Variants in SEC61A2 observed in about 807,000 individuals in gnomAD.
SEC61A2 encodes SEC61 translocon subunit alpha 2, also known as protein transport protein Sec61 subunit alpha isoform 2.
Under a neutral mutation model 59.9 loss-of-function variants are expected in SEC61A2, and 28 were observed. That is an observed-to-expected ratio of 0.47 (90% CI 0.35 to 0.64). The LOEUF is 0.64. Ranked by LOEUF, SEC61A2 falls within the 30% of genes least tolerant of loss-of-function variation. SEC61A2 has a pLI of 0.01. For synonymous variants in SEC61A2, 202 were observed against 214.4 expected, an observed-to-expected ratio of 0.94 and a Z score of 0.50; for missense variants, 340 against 585.9, an observed-to-expected ratio of 0.58 and a Z score of 4.33.
chr10:12,169,248 C>G, downstream of SEC61A2: 1 of 1,539,758 alleles, frequency 6.5e-7, no homozygotes, highest in South Asian at 1.2e-5. This position sits in a 1 kb window ranked among gnomAD's most constrained non-coding sequence, Gnocchi z 4.8. Context: ...TTTTTTCTCC[C>G]TTTTCTAAGA....
In SEC61A2 at chr10:12,165,277, A is replaced by G; in HGVS notation, c.*823A>G. The G allele has an allele frequency of 1.0e-6, 1 of 985,452 alleles. No individual in the cohort carries two copies. The highest frequency in any genetic ancestry group is 1.2e-6 in the Non-Finnish European group (1 of 829,926). The allele number at this position is 985,452 out of a possible 1,614,324, so 61.0% of individuals were successfully genotyped here. The stretch of plus-strand genomic sequence containing the variant: ...TTCAGTGGGGGTGAACAATGAATAT[A>G]TTCATGCTAGGAATTTGTGTCTGTT... On this transcript the variant is annotated 3_prime_UTR_variant, in exon 12 of 12. Transcript: ENST00000298428.
In SEC61A2 at chr10:12,164,780, C is replaced by A; in HGVS notation, c.*326C>A. The A allele has an allele frequency of 9.4e-7, 1 of 1,067,858 alleles. No homozygotes were observed. The allele number at this position is 1,067,858 out of a possible 1,614,324, so 66.1% of individuals were successfully genotyped here. A position where few individuals can be genotyped will look rare whatever the true frequency, so the allele number is the denominator to read the frequency against. The stretch of plus-strand genomic sequence containing the variant: ...CGTTTTGCACACAACATTCAAAACA[C>A]TTCATATTGCCCCCACTTGTTGAAA... On this transcript the variant is annotated 3_prime_UTR_variant, in exon 12 of 12. Transcript: ENST00000298428. This position sits in a 1 kb window ranked among gnomAD's most constrained non-coding sequence, Gnocchi z 7.3.
intron 8 of SEC61A2, 148 bp from the exon 9 acceptor site, chr10:12,157,760 C>CA (rs1834435712): frequency 1.4e-6 from 1 of 695,848 alleles, no homozygotes. Flanking sequence ...CTCGGCCTCC[C>CA]AAAGTGTTGG....
Position 12,141,968 on chromosome 10 carries a change from TG to T in SEC61A2, c.142-1145del, listed in dbSNP as rs1372333392. 6.6e-5 allele frequency among the ~76,000 whole-genome samples: 10 copies of T among 152,308 alleles called. 1 individual carries two copies. The highest frequency in any genetic ancestry group is 2.2e-4 in the African/African-American group (9 of 41,568). ...TGATTTTACAGACAGAAGCATAGTT[TG>T]GGGCAGCAGTAAGACAGGGAAAGGC... On this transcript the variant is annotated intron_variant, in intron 3 of 11. Coordinates refer to ENST00000298428, the MANE Select transcript of SEC61A2 (RefSeq NM_018144.4).
Position 12,156,009 on chromosome 10 carries a change from TGCCTAGAGCC to T in SEC61A2, c.616+80_616+89del, listed in dbSNP as rs1271731521. On this transcript the variant is annotated intron_variant, in intron 7 of 11. Coordinates refer to ENST00000298428, the MANE Select transcript of SEC61A2 (RefSeq NM_018144.4). This position sits in a 1 kb window ranked among gnomAD's most constrained non-coding sequence, Gnocchi z 5.2. Reference sequence around the variant, plus strand: ...AACAAACCCATCGTGTCGCAGTACATGCCTAGAGCCGTTCTGGTTTGCTCTCCTAGGGGAT... The same window carrying T: ...AACAAACCCATCGTGTCGCAGTACATGTTCTGGTTTGCTCTCCTAGGGGAT... The T allele has an allele frequency of 1.5e-3, 2,231 of 1,497,494 alleles. 1 individual carries two copies. Among genetic ancestry groups the T allele is most frequent in the Non-Finnish European group, 1.7e-3 (1,839 of 1,079,506 alleles). The allele number at this position is 1,497,494 out of a possible 1,614,324, so 92.8% of individuals were successfully genotyped here. A position where few individuals can be genotyped will look rare whatever the true frequency, so the allele number is the denominator to read the frequency against.
At chr10:12,146,474 C>A (rs1358111572) in intron 4 of SEC61A2, among the ~76,000 whole-genome samples, 1 of 152,120 alleles carries the variant, frequency 6.6e-6, no homozygotes, top group Non-Finnish European at 1.5e-5. Flanking sequence ...GCAGACACAT[C>A]ATGTATCTGC....
rs1441754984 is a variant in SEC61A2 at position 12,143,568 on chromosome 10, C to G, written c.220+373C>G. Among the ~76,000 whole-genome samples, 7 of 152,116 alleles carry G rather than the reference C, an allele frequency of 4.6e-5. No homozygotes were observed. The East Asian group carries it at 1.4e-3, about 29-fold the overall frequency. The stretch of plus-strand genomic sequence containing the variant: ...TGGCCAACATGGTGAAACCCCGTCT[C>G]TACTAAAAATAGAAAAATTAGCCAG... On this transcript the variant is annotated intron_variant, in intron 4 of 11. Transcript: ENST00000298428. The surrounding 1 kb of genome is among the most constrained non-coding windows in gnomAD (Gnocchi z 4.8).
In SEC61A2 at chr10:12,145,051, A is replaced by T. The variant is rs1282468829; in HGVS notation, c.220+1856A>T. On this transcript the variant is annotated intron_variant, in intron 4 of 11. Coordinates refer to ENST00000298428, the MANE Select transcript of SEC61A2 (RefSeq NM_018144.4). The surrounding 1 kb of genome is among the most constrained non-coding windows in gnomAD (Gnocchi z 4.4). ...GCGACACAACCAGACCCTGTCTCAAAAAAAAAAGGAACATTGAGGAGGTGA... is the reference window on the plus strand; with the variant it reads ...GCGACACAACCAGACCCTGTCTCAATAAAAAAAGGAACATTGAGGAGGTGA... Among the ~76,000 whole-genome samples, 1 of 152,006 alleles carries T rather than the reference A, an allele frequency of 6.6e-6. No individual in the cohort carries two copies. Among genetic ancestry groups the T allele is most frequent in the Non-Finnish European group, 1.5e-5 (1 of 67,994 alleles).
intron 4 of SEC61A2, among the ~76,000 whole-genome samples, chr10:12,147,278 G>T (rs1258172605): frequency 6.6e-6 from 1 of 152,090 alleles, no homozygotes; most frequent in Admixed American, 6.5e-5. Context: ...CTTTTCCTTT[G>T]TGGCTTCTAG....
chr10:12,137,794 G>T lies in SEC61A2; in HGVS notation c.141+1624G>T, dbSNP rs549548767. Among the ~76,000 whole-genome samples, 226 of 152,126 alleles carry T rather than the reference G, an allele frequency of 1.5e-3. 1 individual carries two copies. Among genetic ancestry groups the T allele is most frequent in the African/African-American group, 5.3e-3 (218 of 41,496 alleles). On this transcript the variant is annotated intron_variant, in intron 3 of 11. Coordinates refer to ENST00000298428, the MANE Select transcript of SEC61A2 (RefSeq NM_018144.4). The stretch of plus-strand genomic sequence containing the variant: ...GGCCAAAGTGGGAGGATTACTTGAC[G>T]TCAGGAGTTGAGACCAGTCTGGTCA...
downstream of SEC61A2, chr10:12,166,848 A>G (rs751471584): frequency 7.9e-5 from 35 of 440,336 alleles, no homozygotes; most frequent in Non-Finnish European, 1.4e-4. Context: ...CATGGGAACC[A>G]GATCAATCTG....
intron 9 of SEC61A2, among the ~76,000 whole-genome samples, chr10:12,159,347 T>C (rs1408252188): frequency 6.6e-6 from 1 of 152,256 alleles, no homozygotes; most frequent in South Asian, 2.1e-4. Flanking sequence ...TGAATTTTCA[T>C]TGGTTTAAAT....
intron 3 of SEC61A2, among the ~76,000 whole-genome samples, chr10:12,136,793 C>A (rs916806453): frequency 3.9e-5 from 6 of 151,938 alleles, no homozygotes; most frequent in African/African-American, 1.5e-4. Flanking sequence ...CCAAGCTCAG[C>A]TAATTTTTGT....
At chr10:12,165,644 G>C (rs1006695505), downstream of SEC61A2, 3 of 152,290 alleles carry the variant, frequency 2.0e-5, no homozygotes, top group African/African-American at 7.2e-5. Context: ...CATAGATCTT[G>C]GTAAATCATT....
chr10:12,133,153 A>G, intron 1 of SEC61A2, 88 bp from the exon 2 acceptor site: 1 of 672,278 alleles, frequency 1.5e-6, no homozygotes, highest in Non-Finnish European at 2.6e-6. Context: ...TGCTGGTGAA[A>G]GAGAATCTTT....
rs1834496919 is a variant in SEC61A2, at chr10:12,160,267, T to C, written c.976-663T>C. On this transcript the variant is annotated intron_variant, in intron 9 of 11. Coordinates refer to ENST00000298428, the MANE Select transcript of SEC61A2 (RefSeq NM_018144.4). The surrounding 1 kb of genome is among the most constrained non-coding windows in gnomAD (Gnocchi z 4.1). ...GGGATTAATGATTCTAGGGGCACAG[T>C]AAAGAAATCATTGGGCAGTCATAAA... Among the ~76,000 whole-genome samples the C allele has an allele frequency of 6.6e-6, 1 of 152,182 alleles. No individual in the cohort carries two copies. The highest frequency in any genetic ancestry group is 6.5e-5 in the Admixed American group (1 of 15,270).
chr10:12,164,983 A>C lies in SEC61A2; in HGVS notation c.*529A>C. ...TTGTCCCTTCTCAAAGCAGCCACTT[A>C]GCCCACATGGGCGAAATCAAGTCTC... On this transcript the variant is annotated 3_prime_UTR_variant, in exon 12 of 12. Coordinates refer to ENST00000298428, the MANE Select transcript of SEC61A2 (RefSeq NM_018144.4). This position sits in a 1 kb window ranked among gnomAD's most constrained non-coding sequence, Gnocchi z 7.3. 1 of 972,238 alleles carries C rather than the reference A, an allele frequency of 1.0e-6. No homozygotes were observed. Among genetic ancestry groups the C allele is most frequent in the Non-Finnish European group, 1.2e-6 (1 of 828,338 alleles). 60.2% of individuals were successfully genotyped at this position (972,238 alleles called of 1,614,324 possible).
rs980746008 is a variant in SEC61A2, at chr10:12,158,559, G to A, written c.975+454G>A. 5.9e-5 allele frequency among the ~76,000 whole-genome samples: 9 copies of A among 151,942 alleles called. No individual in the cohort carries two copies. The highest frequency in any genetic ancestry group is 1.7e-4 in the African/African-American group (7 of 41,348). On this transcript the variant is annotated intron_variant, in intron 9 of 11. Coordinates refer to ENST00000298428, the MANE Select transcript of SEC61A2 (RefSeq NM_018144.4). The surrounding 1 kb of genome is among the most constrained non-coding windows in gnomAD (Gnocchi z 5.7). The stretch of plus-strand genomic sequence containing the variant: ...CAGCCTGGCCACATGGTGAAACCCC[G>A]TCTCCACTAAAAATACAAAAATTAG...
rs1454099354 is a variant in SEC61A2, at chr10:12,143,950, G to A, written c.220+755G>A. Among the ~76,000 whole-genome samples, 1 of 152,108 alleles carries A rather than the reference G, an allele frequency of 6.6e-6. No individual in the cohort carries two copies. The highest frequency in any genetic ancestry group is 1.5e-5 in the Non-Finnish European group (1 of 68,032). ...TTTTTCAGGCGATCCTCCCACTTCAGCCTCCTGAGTAGCTGGGACTACTGG... is the reference window on the plus strand; with the variant it reads ...TTTTTCAGGCGATCCTCCCACTTCAACCTCCTGAGTAGCTGGGACTACTGG... On this transcript the variant is annotated intron_variant, in intron 4 of 11. Transcript: ENST00000298428. This position sits in a 1 kb window ranked among gnomAD's most constrained non-coding sequence, Gnocchi z 4.8.
Sources: allele counts gnomAD v4.1 joint callset (sites outside exome capture counted in the v4.1 genomes callset), GRCh38; gene constraint gnomAD v4.1.1; non-coding constraint Gnocchi (gnomAD v3.1); transcripts MANE v1.5; gene names NCBI Gene and HGNC (gene_info 2026-07-23, HGNC 2026-07-21).